Variants in RAB37 observed in about 807,000 individuals in gnomAD.
The protein encoded by RAB37 is ras-related protein Rab-37.
Under a neutral mutation model 33.1 loss-of-function variants are expected in RAB37, and 29 were observed. The observed-to-expected ratio is 0.88, with a 90% confidence interval of 0.65 to 1.20. RAB37 has a LOEUF of 1.20. Ranked by LOEUF, RAB37 falls within the 50% of genes most tolerant of loss-of-function variation. RAB37 has a pLI of 0.00. For missense variants in RAB37, 299 were observed against 301.1 expected (o/e 0.99, Z 0.05); for synonymous variants, 128 against 119.5 (o/e 1.07, Z -0.47).
At chr17:74,737,531 C>A (rs950687048) in intron 1 of RAB37, among the ~76,000 whole-genome samples, 166 bp downstream of exon 1, 1 of 152,172 alleles carries the variant, frequency 6.6e-6, no homozygotes, top group Non-Finnish European at 1.5e-5. Context: ...CTCTAGGTGT[C>A]TCTGCTGGCT....
chr17:74,706,093 G>C (rs2033483146), intron 1 of RAB37, among the ~76,000 whole-genome samples: 1 of 151,916 alleles, frequency 6.6e-6, no homozygotes, highest in African/African-American at 2.4e-5. Flanking sequence ...GAGGGAAAGG[G>C]GCAAGAACAA....
intron 1 of RAB37, among the ~76,000 whole-genome samples, chr17:74,674,332 C>T (rs1330891202): frequency 1.3e-4 from 19 of 150,924 alleles, no homozygotes; most frequent in African/African-American, 2.7e-4. Flanking sequence ...TCCACCCGCT[C>T]GGCCTCCCAA....
rs1486604885 is a variant in RAB37, at chr17:74,746,569, G to A, written c.*1158G>A. 6.6e-6 allele frequency: 1 copy of A among 152,202 alleles called. No individual in the cohort carries two copies. The highest frequency in any genetic ancestry group is 1.5e-5 in the Non-Finnish European group (1 of 68,050). 9.4% of individuals were successfully genotyped at this position (152,202 alleles called of 1,614,324 possible). A position where few individuals can be genotyped will look rare whatever the true frequency, so the allele number is the denominator to read the frequency against. Reference sequence around the variant, plus strand: ...CCTTTGGCAGGCATGCAGCTCCACAGGCGATTTCTTCAAGCAGCTGAAGTG... The same window carrying A: ...CCTTTGGCAGGCATGCAGCTCCACAAGCGATTTCTTCAAGCAGCTGAAGTG... On this transcript the variant is annotated 3_prime_UTR_variant, in exon 9 of 9. Coordinates refer to ENST00000392613, the MANE Select transcript of RAB37 (RefSeq NM_001006638.3). The surrounding 1 kb of genome is among the most constrained non-coding windows in gnomAD (Gnocchi z 5.2).
chr17:74,686,080 C>T (rs992305898), intron 1 of RAB37, among the ~76,000 whole-genome samples: 16 of 152,016 alleles, frequency 1.1e-4, no homozygotes, highest in Non-Finnish European at 1.9e-4. Context: ...CTCCCATTTG[C>T]CCTCATATCT....
At chr17:74,720,962 C>G (rs2034231456) in intron 1 of RAB37, among the ~76,000 whole-genome samples, 1 of 152,170 alleles carries the variant, frequency 6.6e-6, no homozygotes, top group African/African-American at 2.4e-5. Context: ...TAACCGGGCT[C>G]CTCTCTGAAG....
intron 1 of RAB37, among the ~76,000 whole-genome samples, chr17:74,685,981 A>T (rs2032046842): frequency 6.6e-6 from 1 of 152,202 alleles, no homozygotes; most frequent in African/African-American, 2.4e-5. Context: ...ACCCAAGTGC[A>T]GGGTAAGAAG....
intron 1 of RAB37, among the ~76,000 whole-genome samples, chr17:74,696,889 G>C (rs1267032529): frequency 6.7e-6 from 1 of 150,196 alleles, no homozygotes. Flanking sequence ...GGTCGGCACA[G>C]TAGGGACCGA....
chr17:74,723,773 C>A (rs1281419416), intron 1 of RAB37, among the ~76,000 whole-genome samples: 1 of 151,958 alleles, frequency 6.6e-6, no homozygotes, highest in Non-Finnish European at 1.5e-5. Context: ...GACGGGGTTT[C>A]ACTATGTTGG....
At chr17:74,712,728 T>C in intron 1 of RAB37, 1 of 1,292,478 alleles carries the variant, frequency 7.7e-7, no homozygotes, top group Non-Finnish European at 1.1e-6. Flanking sequence ...CTCATGCCAT[T>C]AAGGACACCT....
intron 1 of RAB37, among the ~76,000 whole-genome samples, chr17:74,740,258 A>G (rs2034580662): frequency 6.6e-6 from 1 of 152,002 alleles, no homozygotes; most frequent in South Asian, 2.1e-4. Flanking sequence ...GCAAATGACC[A>G]TGCCCCACCC....
chr17:74,734,997 A>G (rs1205080380), upstream of RAB37, among the ~76,000 whole-genome samples: 2 of 110,440 alleles, frequency 1.8e-5, no homozygotes, highest in African/African-American at 4.1e-5. Context: ...GAAAGGAAGA[A>G]AGAAAAAGAA....
intron 1 of RAB37, among the ~76,000 whole-genome samples, chr17:74,727,983 G>A (rs1224801270): frequency 6.6e-6 from 1 of 152,020 alleles, no homozygotes; most frequent in African/African-American, 2.4e-5. Flanking sequence ...ATGTGTCTGT[G>A]TGTCTGTGTG....
intron 1 of RAB37, chr17:74,695,740 C>G: frequency 6.2e-7 from 1 of 1,614,142 alleles, no homozygotes; most frequent in Non-Finnish European, 8.5e-7. Flanking sequence ...TGACATATTC[C>G]ACTTCCACCT....
chr17:74,677,147 C>T (rs894527146), intron 1 of RAB37, among the ~76,000 whole-genome samples: 1 of 151,746 alleles, frequency 6.6e-6, no homozygotes, highest in East Asian at 1.9e-4. Context: ...GAGACTCTGT[C>T]CCCCCACAAA....
chr17:74,701,700 A>G (rs747070331), intron 1 of RAB37, among the ~76,000 whole-genome samples: 1 of 152,124 alleles, frequency 6.6e-6, no homozygotes, highest in African/African-American at 2.4e-5. Context: ...GCTACTAAAA[A>G]TTGGCCGGGC....
In RAB37 at chr17:74,676,337, G is replaced by A. The variant is rs915899692; in HGVS notation, c.72+4679G>A. The stretch of plus-strand genomic sequence containing the variant: ...GACAAAGTCAGTCTCAGAAAGACTG[G>A]GGGTGGGGGGCAGAAAAACGTGAGC... On this transcript the variant is annotated intron_variant, in intron 1 of 7. Coordinates refer to the RAB37 transcript ENST00000340415. The surrounding 1 kb of genome is among the most constrained non-coding windows in gnomAD (Gnocchi z 4.1). 6.6e-6 allele frequency among the ~76,000 whole-genome samples: 1 copy of A among 152,094 alleles called. No homozygotes were observed. The highest frequency in any genetic ancestry group is 2.1e-4 in the South Asian group (1 of 4,818).
intron 1 of RAB37, among the ~76,000 whole-genome samples, chr17:74,727,387 T>G (rs2034318737): frequency 6.6e-6 from 1 of 152,214 alleles, no homozygotes. Flanking sequence ...CAGACCATGA[T>G]GCAGGTTGGA....
At chr17:74,692,328 T>A (rs2032173359) in intron 1 of RAB37, among the ~76,000 whole-genome samples, 1 of 152,120 alleles carries the variant, frequency 6.6e-6, no homozygotes, top group African/African-American at 2.4e-5. Flanking sequence ...GATGACTAGC[T>A]CAAGAATAGT....
intron 1 of RAB37, among the ~76,000 whole-genome samples, chr17:74,706,433 A>G (rs989021658): frequency 2.0e-5 from 3 of 151,432 alleles, no homozygotes; most frequent in Non-Finnish European, 4.4e-5. Flanking sequence ...AAGAACATAT[A>G]TATATAAATT....
Sources: allele counts gnomAD v4.1 joint callset (sites outside exome capture counted in the v4.1 genomes callset), GRCh38; gene constraint gnomAD v4.1.1; non-coding constraint Gnocchi (gnomAD v3.1); transcripts MANE v1.5; gene names NCBI Gene and HGNC (gene_info 2026-07-23, HGNC 2026-07-21).